FRMD4A: variants seen among roughly 807,000 people sequenced by gnomAD.
FRMD4A encodes FERM domain-containing protein 4A.
Under a neutral mutation model 129.1 loss-of-function variants are expected in FRMD4A, and 29 were observed. The ratio of observed to expected loss-of-function variants is 0.22; its 90% confidence interval spans 0.17 to 0.31. The LOEUF (loss-of-function observed/expected upper bound fraction) is 0.31. Among genes scored for constraint, FRMD4A ranks in the 10% least tolerant of loss-of-function variants. FRMD4A has a pLI of 1.00. For synonymous variants in FRMD4A, 634 were observed against 571.6 expected, an observed-to-expected ratio of 1.11 and a Z score of -1.56; for missense variants, 1,272 against 1,375.8, an observed-to-expected ratio of 0.92 and a Z score of 1.19.
intron 2 of FRMD4A, among the ~76,000 whole-genome samples, chr10:14,299,246 C>T (rs890194451): frequency 1.3e-5 from 2 of 152,184 alleles, no homozygotes; most frequent in African/African-American, 4.8e-5. Context: ...GTCTGCTTTG[C>T]TTTGTTCCAG....
In FRMD4A at chr10:14,069,588, C is replaced by T. The variant is rs146691558; in HGVS notation, c.46-210676G>A. 1.4e-4 allele frequency among the ~76,000 whole-genome samples: 22 copies of T among 152,220 alleles called. No homozygotes were observed. The East Asian group carries it at 4.1e-3, about 28-fold the overall frequency. ...TGTAAGAACAATTTAAGGGGATTTCCACAAAGCTAAATTTAGTAAGCTTTA... is the reference window on the plus strand; with the variant it reads ...TGTAAGAACAATTTAAGGGGATTTCTACAAAGCTAAATTTAGTAAGCTTTA... On this transcript the variant is annotated intron_variant, in intron 2 of 24. Coordinates refer to ENST00000357447, the MANE Select transcript of FRMD4A (RefSeq NM_018027.5).
At chr10:13,819,346 A>T (rs1184615715) in intron 3 of FRMD4A, among the ~76,000 whole-genome samples, 1 of 152,026 alleles carries the variant, frequency 6.6e-6, no homozygotes, top group African/African-American at 2.4e-5. Flanking sequence ...ATCTTTGTAC[A>T]TTCCATTCTC....
chr10:13,823,351 G>A (rs1412455183), intron 3 of FRMD4A, among the ~76,000 whole-genome samples: 1 of 152,206 alleles, frequency 6.6e-6, no homozygotes, highest in African/African-American at 2.4e-5. Context: ...CCAGGACTGT[G>A]AGTCTAGCGT....
chr10:13,674,941 C>T lies in FRMD4A; in HGVS notation c.1221G>A (p.Glu407=), dbSNP rs775780328. The part of the protein sequence containing the change: ...ALEETLRQRL[E]ELKKLCLREA... ...CTCGGAGACACAGCTTCTTCAGTTC[C>T]TCCAGCCTCTGACGCAGGGTTTCCT... Residue 407 remains glutamate, a synonymous_variant, in exon 16 of 25, where the codon GAG becomes GAA. Transcript: ENST00000357447. 3.1e-6 allele frequency: 5 copies of T among 1,614,176 alleles called. No homozygotes were observed. The South Asian group carries it at 4.4e-5, about 14-fold the overall frequency.
At chr10:14,258,598 G>T (rs976067777) in intron 2 of FRMD4A, among the ~76,000 whole-genome samples, 6 of 152,192 alleles carry the variant, frequency 3.9e-5, no homozygotes, top group African/African-American at 1.4e-4. Flanking sequence ...TGCACCACAG[G>T]TGAAAATGTA....
intron 17 of FRMD4A, chr10:13,668,564 G>A (rs1271779472): frequency 6.6e-6 from 1 of 152,252 alleles, no homozygotes; most frequent in Non-Finnish European, 1.5e-5. Context: ...CTGCTCCTGT[G>A]TTGGTTCCTT....
rs369784298 is a variant in FRMD4A at position 13,920,936 on chromosome 10, CAT to C, written c.46-62026_46-62025del. ...ACTATGTGCCAGGCACTGCGCCACACATGTTACCTATCATAATTCACTTAATC... is the reference window on the plus strand; with the variant it reads ...ACTATGTGCCAGGCACTGCGCCACACGTTACCTATCATAATTCACTTAATC... On this transcript the variant is annotated intron_variant, in intron 2 of 24. Transcript: ENST00000357447. Among the ~76,000 whole-genome samples, 32 of 152,340 alleles carry C rather than the reference CAT, an allele frequency of 2.1e-4. No individual in the cohort carries two copies. The East Asian group carries it at 2.3e-3, about 11-fold the overall frequency.
intron 3 of FRMD4A, among the ~76,000 whole-genome samples, chr10:13,847,919 G>A (rs1056695126): frequency 1.3e-5 from 2 of 152,216 alleles, no homozygotes; most frequent in Non-Finnish European, 2.9e-5. Context: ...CAAACTGTGA[G>A]TTATGGATTA....
At chr10:14,073,876 C>G (rs1224303416) in intron 2 of FRMD4A, among the ~76,000 whole-genome samples, 2 of 152,136 alleles carry the variant, frequency 1.3e-5, no homozygotes, top group Non-Finnish European at 2.9e-5. Flanking sequence ...CTTTGGAAGG[C>G]TGAGGTGGGA....
At chr10:13,946,253 T>C (rs2095330513) in intron 2 of FRMD4A, among the ~76,000 whole-genome samples, 1 of 152,206 alleles carries the variant, frequency 6.6e-6, no homozygotes. Flanking sequence ...GATGCTTCCC[T>C]GAACGCAAGA....
intron 2 of FRMD4A, among the ~76,000 whole-genome samples, chr10:14,295,043 C>A (rs1012775357): frequency 6.6e-6 from 1 of 152,200 alleles, no homozygotes; most frequent in Non-Finnish European, 1.5e-5. Context: ...GATTAATTCT[C>A]TCCCTCGTTA....
At chr10:14,010,664 C>CTTTTTTTTT (rs779471389) in intron 2 of FRMD4A, among the ~76,000 whole-genome samples, 1 of 76,428 alleles carries the variant, frequency 1.3e-5, no homozygotes, top group Non-Finnish European at 2.4e-5. Flanking sequence ...GAGTTTAGGT[C>CTTTTTTTTT]TTTTTTTTTT....
chr10:14,034,723 G>A (rs999972696), intron 2 of FRMD4A, among the ~76,000 whole-genome samples: 1 of 152,188 alleles, frequency 6.6e-6, no homozygotes, highest in African/African-American at 2.4e-5. Flanking sequence ...AGAGACGGAT[G>A]TCCAGTGACC....
chr10:14,016,196 C>T (rs1340710014), intron 2 of FRMD4A, among the ~76,000 whole-genome samples: 4 of 152,200 alleles, frequency 2.6e-5, no homozygotes, highest in Non-Finnish European at 5.9e-5. Flanking sequence ...GAAAACGCAG[C>T]CTGTGCTGCA....
chr10:14,146,938 T>G (rs1051503745), intron 2 of FRMD4A, among the ~76,000 whole-genome samples: 1 of 152,244 alleles, frequency 6.6e-6, no homozygotes, highest in Non-Finnish European at 1.5e-5. Context: ...ATCATCTATT[T>G]GCTTCATTTC....
chr10:14,132,369 T>C (rs1217101791), intron 2 of FRMD4A, among the ~76,000 whole-genome samples: 1 of 152,156 alleles, frequency 6.6e-6, no homozygotes, highest in Non-Finnish European at 1.5e-5. Flanking sequence ...TCTCCCCAAG[T>C]TGTCTAACAA....
At chr10:13,749,954 G>GAAAGA (rs1223646300) in intron 8 of FRMD4A, among the ~76,000 whole-genome samples, 10 of 140,754 alleles carry the variant, frequency 7.1e-5, no homozygotes, top group East Asian at 4.1e-4. Flanking sequence ...ACCCTATCAA[G>GAAAGA]AAAGAAAAGA....
intron 2 of FRMD4A, among the ~76,000 whole-genome samples, chr10:14,044,513 G>A (rs1168467142): frequency 6.6e-6 from 1 of 152,188 alleles, no homozygotes. Context: ...AGTGAATTTG[G>A]ACACAGACAC....
chr10:14,115,044 CCCCA>C (rs1256051157), intron 2 of FRMD4A, among the ~76,000 whole-genome samples: 1 of 152,118 alleles, frequency 6.6e-6, no homozygotes, highest in Non-Finnish European at 1.5e-5. Context: ...ACACTCACTC[CCCCA>C]CCCACCAAGC....
Sources: gnomAD v4.1 joint callset for allele counts (sites outside exome capture counted in the v4.1 genomes callset) on GRCh38, gnomAD v4.1.1 for gene constraint, MANE v1.5 for transcripts, NCBI Gene and HGNC (gene_info 2026-07-23, HGNC 2026-07-21) for gene names.